GTF2H1: variants seen among roughly 807,000 people sequenced by gnomAD.
The protein encoded by GTF2H1 is general transcription factor IIH subunit 1.
Under a neutral mutation model 71.2 loss-of-function variants are expected in GTF2H1, and 16 were observed. The observed-to-expected ratio is 0.22, with a 90% CI of 0.15 to 0.34. The LOEUF (loss-of-function observed/expected upper bound fraction) is 0.34, where lower values mean the gene tolerates loss of function less well. Among genes scored for constraint, GTF2H1 ranks in the 10% least tolerant of loss-of-function variants. The pLI, the probability that GTF2H1 is intolerant of heterozygous loss-of-function variation, is 1.00. For missense variants in GTF2H1, 498 were observed against 648.2 expected (o/e 0.77, Z 2.52); for synonymous variants, 215 against 219.0 (o/e 0.98, Z 0.16).
chr11:18,326,871 CAT>C (rs1162811068), intron 1 of GTF2H1, among the ~76,000 whole-genome samples: 1 of 152,100 alleles, frequency 6.6e-6, no homozygotes, highest in African/African-American at 2.4e-5. Context: ...TTTCTTAAAA[CAT>C]ATGTTTCCTA....
intron 3 of GTF2H1, among the ~76,000 whole-genome samples, chr11:18,337,112 T>G (rs902963805): frequency 6.6e-6 from 1 of 152,132 alleles, no homozygotes; most frequent in Non-Finnish European, 1.5e-5. Flanking sequence ...CTTATATCTG[T>G]GCATGCTTAG....
intron 13 of GTF2H1, among the ~76,000 whole-genome samples, chr11:18,359,038 T>A (rs1478877632): frequency 1.3e-5 from 2 of 152,138 alleles, no homozygotes; most frequent in African/African-American, 2.4e-5. Context: ...TTTAACCAAT[T>A]AAAGGACAGT....
At chr11:18,352,008 A>C (rs758115887) in intron 10 of GTF2H1, 39 bp downstream of exon 10, 6 of 993,790 alleles carry the variant, frequency 6.0e-6, no homozygotes. Context: ...GCTATGTAAC[A>C]ATTCAGTCCA....
chr11:18,365,044 G>GCATAGCAA (rs1865785387), intron 14 of GTF2H1, among the ~76,000 whole-genome samples: 1 of 143,636 alleles, frequency 7.0e-6, no homozygotes, highest in Non-Finnish European at 1.5e-5. Flanking sequence ...AGCCTGGGCA[G>GCATAGCAA]CATAGCAAGA....
intron 13 of GTF2H1, among the ~76,000 whole-genome samples, chr11:18,360,165 C>A (rs1417964293): frequency 3.3e-5 from 5 of 152,106 alleles, no homozygotes; most frequent in African/African-American, 7.2e-5. Context: ...ACTCTGTCGG[C>A]AGGCTGGAGT....
At chr11:18,355,804 A>G (rs1204580727) in intron 11 of GTF2H1, among the ~76,000 whole-genome samples, 2 of 152,178 alleles carry the variant, frequency 1.3e-5, no homozygotes, top group African/African-American at 4.8e-5. Flanking sequence ...TAAGTCTGCT[A>G]TTCTACAAGT....
At chr11:18,342,055 GT>G in intron 7 of GTF2H1, 1 of 155,202 alleles carries the variant, frequency 6.4e-6, no homozygotes, top group Admixed American at 6.4e-5. Flanking sequence ...AGGCCATCAT[GT>G]ATGACCTACC....
rs2133996895 is a variant in GTF2H1 at position 18,365,754 on chromosome 11, G to A, written c.1561-29G>A. On this transcript the variant is annotated intron_variant, in intron 14 of 14. Transcript: ENST00000265963. ...GATTAACTTCCCCTGCTTTTGCCCA[G>A]TTGTTAAGTGTCTTGCTGTGTTTTT... The A allele has an allele frequency of 2.6e-6, 4 of 1,518,840 alleles. No homozygotes were observed. The South Asian group carries it at 4.5e-5, about 17-fold the overall frequency. The allele number at this position is 1,518,840 out of a possible 1,614,324, so 94.1% of individuals were successfully genotyped here. A position where few individuals can be genotyped will look rare whatever the true frequency, so the allele number is the denominator to read the frequency against.
At chr11:18,346,125 GC>G (rs1292558348) in intron 7 of GTF2H1, among the ~76,000 whole-genome samples, 2 of 152,014 alleles carry the variant, frequency 1.3e-5, no homozygotes, top group African/African-American at 4.8e-5. Flanking sequence ...CACCTTTTTA[GC>G]CTCACCAATT....
At chr11:18,333,015 G>C in intron 1 of GTF2H1, 45 bp from the exon 2 acceptor site, 1 of 1,366,950 alleles carries the variant, frequency 7.3e-7, no homozygotes, top group Non-Finnish European at 1.0e-6. Context: ...AACCCTAATT[G>C]ATGTGTGGAA....
chr11:18,354,398 C>G (rs554433998), intron 11 of GTF2H1, among the ~76,000 whole-genome samples: 2 of 152,104 alleles, frequency 1.3e-5, no homozygotes, highest in Non-Finnish European at 2.9e-5. Flanking sequence ...TATATAAATA[C>G]CCCATTTGTC....
intron 9 of GTF2H1, among the ~76,000 whole-genome samples, chr11:18,349,872 A>C (rs759849524): frequency 7.4e-4 from 113 of 152,192 alleles, no homozygotes; most frequent in Non-Finnish European, 3.8e-4. Context: ...TGTTCCGAAC[A>C]CTTAGATTAG....
chr11:18,361,457 A>G lies in GTF2H1; in HGVS notation c.1560+750A>G, dbSNP rs1415184486. On this transcript the variant is annotated intron_variant, in intron 14 of 14. Coordinates refer to ENST00000265963, the MANE Select transcript of GTF2H1 (RefSeq NM_005316.4). ...CAAGGCAGGCTGATCACTTGAGGTC[A>G]GGAGTTCCGAGACCAGTTCTGGCCA... 2.6e-5 allele frequency among the ~76,000 whole-genome samples: 4 copies of G among 152,140 alleles called. No homozygotes were observed. The East Asian group carries it at 7.8e-4, about 30-fold the overall frequency.
intron 11 of GTF2H1, among the ~76,000 whole-genome samples, chr11:18,356,843 G>A (rs1865563212): frequency 6.9e-6 from 1 of 144,890 alleles, no homozygotes; most frequent in African/African-American, 2.6e-5. Flanking sequence ...AGGCTGGAGT[G>A]CAGTGACACC....
intron 5 of GTF2H1, 59 bp downstream of exon 5, chr11:18,339,716 C>A: frequency 1.0e-6 from 1 of 981,720 alleles, no homozygotes; most frequent in Non-Finnish European, 1.5e-6. Flanking sequence ...TATAGTATAT[C>A]AGTGAAAAAC....
intron 1 of GTF2H1, among the ~76,000 whole-genome samples, chr11:18,326,401 A>G (rs1303851891): frequency 6.6e-6 from 1 of 152,150 alleles, no homozygotes; most frequent in African/African-American, 2.4e-5. Flanking sequence ...GCGTGCCTGT[A>G]ATCCCACCTA....
intron 7 of GTF2H1, among the ~76,000 whole-genome samples, chr11:18,344,900 G>C (rs1239243922): frequency 1.3e-5 from 2 of 152,006 alleles, no homozygotes; most frequent in Non-Finnish European, 1.5e-5. Flanking sequence ...CCTATCTTTA[G>C]ATACCTGTTC....
chr11:18,335,002 A>G (rs1295501184), intron 2 of GTF2H1, among the ~76,000 whole-genome samples: 2 of 152,020 alleles, frequency 1.3e-5, no homozygotes, highest in Admixed American at 1.3e-4. Context: ...AGGTTCCTGT[A>G]GTTGTCATTT....
At chr11:18,359,837 A>G (rs1365887034) in intron 13 of GTF2H1, among the ~76,000 whole-genome samples, 1 of 151,360 alleles carries the variant, frequency 6.6e-6, no homozygotes, top group Non-Finnish European at 1.5e-5. Context: ...CAGCCTCTCT[A>G]GTAGCTGGGA....
Sources: gnomAD v4.1 joint callset for allele counts (sites outside exome capture counted in the v4.1 genomes callset) on GRCh38, gnomAD v4.1.1 for gene constraint, MANE v1.5 for transcripts, NCBI Gene and HGNC (gene_info 2026-07-23, HGNC 2026-07-21) for gene names.